Variants in CDH18 observed in about 807,000 individuals in gnomAD.
CDH18 encodes cadherin-18.
CDH18 carries 31 observed loss-of-function variants against 67.9 expected under a neutral mutation model. That is an observed-to-expected ratio of 0.46 (90% confidence interval 0.34 to 0.62). The LOEUF (loss-of-function observed/expected upper bound fraction) is 0.62, where lower values mean the gene tolerates loss of function less well. Ranked by LOEUF, CDH18 falls within the 20% of genes least tolerant of loss-of-function variation. The probability of loss-of-function intolerance (pLI) is 0.01; values close to 1 mark genes in which losing one functional copy is unlikely to be tolerated. For missense variants in CDH18, 890 were observed against 975.5 expected (o/e 0.91, Z 1.17); for synonymous variants, 362 against 347.2 (o/e 1.04, Z -0.48).
At chr5:20,052,331 T>G (rs908427534) in intron 2 of CDH18, among the ~76,000 whole-genome samples, 2 of 152,106 alleles carry the variant, frequency 1.3e-5, no homozygotes, top group African/African-American at 4.8e-5. Flanking sequence ...CTAGTCAGAC[T>G]TAATGGGAGT....
At chr5:20,049,513 A>G (rs903397165) in intron 2 of CDH18, among the ~76,000 whole-genome samples, 6 of 151,770 alleles carry the variant, frequency 4.0e-5, no homozygotes, top group African/African-American at 1.4e-4. Context: ...AACGTACATA[A>G]AATGTTAAAT....
chr5:20,131,745 G>T, intron 2 of CDH18, among the ~76,000 whole-genome samples: 1 of 152,104 alleles, frequency 6.6e-6, no homozygotes, highest in Non-Finnish European at 1.5e-5. Flanking sequence ...AACAATTAAT[G>T]GTTGTATAAC....
chr5:20,412,894 T>A (rs1450048962), intron 1 of CDH18, among the ~76,000 whole-genome samples: 2 of 152,198 alleles, frequency 1.3e-5, no homozygotes, highest in Non-Finnish European at 2.9e-5. Flanking sequence ...TACATGTGCA[T>A]GTTGGTTTGC....
At chr5:20,532,934 T>A (rs1205671436) in intron 1 of CDH18, among the ~76,000 whole-genome samples, 1 of 151,882 alleles carries the variant, frequency 6.6e-6, no homozygotes, top group Non-Finnish European at 1.5e-5. Flanking sequence ...CCTCGTACAG[T>A]TTGACTTGTG....
chr5:20,394,952 A>G (rs76887685), intron 1 of CDH18, among the ~76,000 whole-genome samples: 1,721 of 152,200 alleles, frequency 0.011, 41 homozygotes, highest in African/African-American at 0.039. Context: ...AAATATAGGC[A>G]TGGATGTGGT....
intron 1 of CDH18, among the ~76,000 whole-genome samples, chr5:20,463,391 T>C (rs990639256): frequency 6.6e-6 from 1 of 152,108 alleles, no homozygotes; most frequent in African/African-American, 2.4e-5. Context: ...CACACTGCTA[T>C]GTAGAAATAC....
intron 5 of CDH18, among the ~76,000 whole-genome samples, chr5:19,682,242 A>G (rs1405712781): frequency 6.6e-6 from 1 of 152,064 alleles, no homozygotes; most frequent in Non-Finnish European, 1.5e-5. Context: ...GAGGAGGGAA[A>G]AGTCTTCGCT....
chr5:19,572,289 T>A (rs1245073283), intron 7 of CDH18, among the ~76,000 whole-genome samples: 1 of 152,216 alleles, frequency 6.6e-6, no homozygotes, highest in Non-Finnish European at 1.5e-5. Flanking sequence ...GAGACCAGTC[T>A]TCCATTTTAA....
chr5:19,560,408 GAA>G (rs988412639), intron 8 of CDH18, among the ~76,000 whole-genome samples: 24 of 152,150 alleles, frequency 1.6e-4, no homozygotes, highest in African/African-American at 5.8e-4. Context: ...TGTAAAGTGG[GAA>G]AAAGATACCC....
intron 2 of CDH18, among the ~76,000 whole-genome samples, chr5:19,859,039 G>A (rs2149968665): frequency 6.6e-6 from 1 of 152,138 alleles, no homozygotes; most frequent in Middle Eastern, 3.4e-3. Context: ...ACAATTTGAT[G>A]AGTTTACAGA....
chr5:19,822,046 A>C (rs1290779302), intron 3 of CDH18, among the ~76,000 whole-genome samples: 1 of 152,192 alleles, frequency 6.6e-6, no homozygotes, highest in African/African-American at 2.4e-5. Flanking sequence ...AAAAGTAACT[A>C]TACAATTGAG....
Position 20,202,598 on chromosome 5 carries a change from C to G in CDH18, c.-518+52846G>C, listed in dbSNP as rs183345213. Among the ~76,000 whole-genome samples the G allele has an allele frequency of 2.0e-3, 306 of 152,050 alleles. 4 individuals carry two copies. The highest frequency in any genetic ancestry group is 6.8e-3 in the African/African-American group (282 of 41,486). On this transcript the variant is annotated intron_variant, in intron 2 of 14. Transcript: ENST00000507958. Reference sequence around the variant, plus strand: ...AAAACTAGAGAAATAACATGTTGCCCAAATGAAAGAGTATTTTGTTCTTAA... The same window carrying G: ...AAAACTAGAGAAATAACATGTTGCCGAAATGAAAGAGTATTTTGTTCTTAA...
At position 19,747,165 on chromosome 5, in the gene CDH18, T is replaced by C. The variant is rs1770129326; in HGVS notation, c.300A>G (p.Ile100Met). The C allele has an allele frequency of 6.2e-7, 1 of 1,613,896 alleles. No homozygotes were observed. Among genetic ancestry groups the C allele is most frequent in the African/African-American group, 1.3e-5 (1 of 74,936 alleles). Residue 100 changes from isoleucine (I) to methionine (M), a missense_variant, in exon 4 of 13, where the codon ATA becomes ATG. By Grantham distance (10) the Ile-to-Met change is conservative. Coordinates refer to ENST00000382275, the MANE Select transcript of CDH18 (RefSeq NM_004934.5). ...CACCCGTGGTATCGTCAATGATAAATATAGTCCCAGCACCCTCTCCAGTAA... is the reference window on the plus strand; with the variant it reads ...CACCCGTGGTATCGTCAATGATAAACATAGTCCCAGCACCCTCTCCAGTAA... ...YILTGEGAGTIFIIDDTTGDI... is the reference protein window; with the variant it reads ...YILTGEGAGTMFIIDDTTGDI...
At position 19,650,529 on chromosome 5, in the gene CDH18, T is replaced by G. The variant is rs1435617163; in HGVS notation, c.644-37928A>C. ...TTCCTCCCTACATTGTCTGAGCTAA[T>G]GGAGATAAAGAGAAAATAAAGAGGA... On this transcript the variant is annotated intron_variant, in intron 5 of 12. Coordinates refer to ENST00000382275, the MANE Select transcript of CDH18 (RefSeq NM_004934.5). Among the ~76,000 whole-genome samples, 3 of 152,040 alleles carry G rather than the reference T, an allele frequency of 2.0e-5. No homozygotes were observed. In the East Asian group the frequency reaches 5.8e-4, roughly 29 times the overall value.
intron 1 of CDH18, among the ~76,000 whole-genome samples, chr5:20,418,082 A>G (rs1202371478): frequency 2.0e-5 from 3 of 151,292 alleles, no homozygotes; most frequent in Admixed American, 1.3e-4. Context: ...TTTTATTTTT[A>G]TTTTTTGTTG....
intron 1 of CDH18, among the ~76,000 whole-genome samples, chr5:20,568,031 A>G (rs1758612337): frequency 6.6e-6 from 1 of 152,184 alleles, no homozygotes; most frequent in Admixed American, 6.5e-5. Context: ...TATTGTTTAT[A>G]TGTCTGTGAT....
At chr5:20,429,929 C>A (rs1580981472) in intron 1 of CDH18, among the ~76,000 whole-genome samples, 1 of 151,924 alleles carries the variant, frequency 6.6e-6, no homozygotes, top group Non-Finnish European at 1.5e-5. Context: ...CCAAAGAAAC[C>A]CCTTCTTATA....
Position 20,574,329 on chromosome 5 carries a change from A to G in CDH18, c.-580+1133T>C, listed in dbSNP as rs559034431. ...TGGGCTACTACTAAGGTTGGCAATCATGTTCTTTTTTGAAACGTTGAACAA... is the reference window on the plus strand; with the variant it reads ...TGGGCTACTACTAAGGTTGGCAATCGTGTTCTTTTTTGAAACGTTGAACAA... On this transcript the variant is annotated intron_variant, in intron 1 of 14. Transcript: ENST00000507958. Among the ~76,000 whole-genome samples, 6 of 152,094 alleles carry G rather than the reference A, an allele frequency of 3.9e-5. No homozygotes were observed. In the East Asian group the frequency reaches 1.2e-3, roughly 29 times the overall value.
At chr5:19,695,596 C>A (rs1762439128) in intron 5 of CDH18, among the ~76,000 whole-genome samples, 1 of 152,086 alleles carries the variant, frequency 6.6e-6, no homozygotes, top group Non-Finnish European at 1.5e-5. Context: ...AGTTCGCTGA[C>A]AATGACACAC....
Sources: allele counts gnomAD v4.1 joint callset (sites outside exome capture counted in the v4.1 genomes callset), GRCh38; gene constraint gnomAD v4.1.1; transcripts MANE v1.5; gene names NCBI Gene and HGNC (gene_info 2026-07-23, HGNC 2026-07-21).